The following VRK3 variants were observed in gnomAD, a reference collection of about 807,000 sequenced individuals.
VRK3 encodes VRK serine/threonine kinase 3.
Under a neutral mutation model 60.4 loss-of-function variants are expected in VRK3, and 50 were observed. That is an observed-to-expected ratio of 0.83 (90% CI 0.66 to 1.05). The LOEUF is 1.05. Among genes scored for constraint, VRK3 ranks in the 50% least tolerant of loss-of-function variants. VRK3 has a pLI of 0.00. For synonymous variants in VRK3, 246 were observed against 227.8 expected (o/e 1.08, Z -0.72); for missense variants, 549 against 585.3 (o/e 0.94, Z 0.64).
At chr19:50,009,012 G>A (rs1421631311) in intron 4 of VRK3, among the ~76,000 whole-genome samples, 3 of 152,214 alleles carry the variant, frequency 2.0e-5, no homozygotes, top group Non-Finnish European at 2.9e-5. Flanking sequence ...GGGTCTGTGT[G>A]CAGGGAGGGG....
intron 5 of VRK3, among the ~76,000 whole-genome samples, chr19:50,004,573 A>G (rs188941471): frequency 3.8e-4 from 58 of 152,122 alleles, no homozygotes; most frequent in Non-Finnish European, 5.9e-4. Context: ...ATGGGTGCCT[A>G]TCTCACAGTG....
chr19:50,025,109 G>A (rs560291907), intron 1 of VRK3, 158 bp downstream of exon 1: 3 of 152,462 alleles, frequency 2.0e-5, no homozygotes, highest in East Asian at 1.9e-4. Context: ...TCAAGAGGAG[G>A]CCAGTGAACC....
intron 3 of VRK3, among the ~76,000 whole-genome samples, chr19:50,015,228 T>A (rs890372285): frequency 2.0e-5 from 3 of 152,058 alleles, no homozygotes; most frequent in African/African-American, 7.2e-5. Context: ...TCCGGAAATC[T>A]GAAATGCAAA....
chr19:50,009,206 G>C lies in VRK3; in HGVS notation c.289+30C>G, dbSNP rs1403225716. 4.4e-6 allele frequency: 7 copies of C among 1,605,984 alleles called. No individual in the cohort carries two copies. The Middle Eastern group carries it at 5.0e-4, about 114-fold the overall frequency. On this transcript the variant is annotated intron_variant, in intron 4 of 14. Coordinates refer to ENST00000316763, the MANE Select transcript of VRK3 (RefSeq NM_016440.4). The stretch of plus-strand genomic sequence containing the variant: ...GATGACCTAACTTTGCTCCACTTAA[G>C]AGTCAGGCCAGATAGACCTTAACTC...
At chr19:49,993,049 G>C (rs2076639170) in intron 9 of VRK3, 97 bp from the exon 10 acceptor site, 1 of 1,132,938 alleles carries the variant, frequency 8.8e-7, no homozygotes, top group African/African-American at 1.5e-5. Context: ...TTAAGGCCTG[G>C]GGTTGTCCGA....
Position 49,979,216 on chromosome 19 carries a change from C to T in VRK3, c.1303G>A (p.Val435Met), listed in dbSNP as rs371860911. The change falls in exon 14 of 15, where the codon GTG (valine) becomes ATG (methionine). Residue 435 changes from valine to methionine, a missense_variant. Transcript: ENST00000316763. ...TTCTCCTCATACGTGAGGGCCATCA[C>T]CACCTTCAGGTACTTCTGCAGGGTC... is the stretch of plus-strand genomic sequence containing the variant. ...SETLQKYLKV[V>M]MALTYEEKPP... The T allele has an allele frequency of 6.2e-7, 1 of 1,614,092 alleles. No individual in the cohort carries two copies. Among genetic ancestry groups the T allele is most frequent in the East Asian group, 2.2e-5 (1 of 44,864 alleles).
At chr19:49,996,450 T>G (rs992140896) in intron 7 of VRK3, among the ~76,000 whole-genome samples, 5 of 152,070 alleles carry the variant, frequency 3.3e-5, no homozygotes, top group African/African-American at 1.2e-4. Context: ...GTGGGAGAGA[T>G]ATACAGGGGA....
At chr19:50,008,441 G>C (rs2076938567) in intron 4 of VRK3, among the ~76,000 whole-genome samples, 1 of 152,192 alleles carries the variant, frequency 6.6e-6, no homozygotes, top group African/African-American at 2.4e-5. Context: ...GTAATGGCAA[G>C]AGGCCTCTGG....
rs553037241 is a variant in VRK3 at position 50,014,359 on chromosome 19, G to A, written c.139+1665C>T. 2.9e-4 allele frequency among the ~76,000 whole-genome samples: 44 copies of A among 152,154 alleles called. 1 individual carries two copies. The South Asian group carries it at 9.1e-3, about 32-fold the overall frequency. ...GGATCATTTGAGGTCAGGAATTTGA[G>A]ACCAGCCGGCCAACATGGTGAAACC... is the stretch of plus-strand genomic sequence containing the variant. On this transcript the variant is annotated intron_variant, in intron 3 of 14. Transcript: ENST00000316763.
At chr19:50,009,536 G>A (rs2076959963) in intron 3 of VRK3, 151 bp from the exon 4 acceptor site, 2 of 896,430 alleles carry the variant, frequency 2.2e-6, no homozygotes, top group South Asian at 1.8e-5. Flanking sequence ...AAATATATGA[G>A]CAAACTGTTC....
At chr19:50,017,850 G>A (rs1178331493) in intron 2 of VRK3, among the ~76,000 whole-genome samples, 2 of 151,762 alleles carry the variant, frequency 1.3e-5, no homozygotes, top group Non-Finnish European at 2.9e-5. Context: ...TTTTAGAGAC[G>A]GGGTCTCACT....
intron 12 of VRK3, among the ~76,000 whole-genome samples, chr19:49,985,062 C>G (rs2076488892): frequency 6.6e-6 from 1 of 152,132 alleles, no homozygotes; most frequent in Admixed American, 6.5e-5. Context: ...AGGAGTGAAC[C>G]CTCCCTCATG....
At chr19:50,021,025 G>A (rs2077162935) in intron 1 of VRK3, among the ~76,000 whole-genome samples, 1 of 152,178 alleles carries the variant, frequency 6.6e-6, no homozygotes, top group South Asian at 2.1e-4. Context: ...GGCCAAGGAG[G>A]GCCTCGCCCA....
chr19:49,978,399 C>A (rs1217877926), intron 14 of VRK3, among the ~76,000 whole-genome samples: 1 of 152,200 alleles, frequency 6.6e-6, no homozygotes, highest in East Asian at 1.9e-4. Context: ...TGTCTTTGAC[C>A]TTGTAAAAAT....
chr19:49,980,057 AT>A (rs1364230010), intron 13 of VRK3, among the ~76,000 whole-genome samples: 13 of 151,722 alleles, frequency 8.6e-5, no homozygotes, highest in Non-Finnish European at 1.5e-4. Flanking sequence ...CTCAAAAAAA[AT>A]AATAAAATAA....
chr19:50,009,231 C>CCT lies in VRK3; in HGVS notation c.289+4_289+5insAG. 6.8e-6 allele frequency: 11 copies of CCT among 1,613,702 alleles called. No homozygotes were observed. The highest frequency in any genetic ancestry group is 9.3e-6 in the Non-Finnish European group (11 of 1,179,794). On this transcript the variant is annotated splice_donor_region_variant and intron_variant, in intron 4 of 14. Transcript: ENST00000316763. ...GAGTCAGGCCAGATAGACCTTAACT[C>CCT]TTACCTTTGGATCTCTCAGAGGAAC... is the stretch of plus-strand genomic sequence containing the variant.
chr19:50,012,892 G>C (rs2077017939), intron 3 of VRK3, among the ~76,000 whole-genome samples: 2 of 150,406 alleles, frequency 1.3e-5, no homozygotes, highest in Non-Finnish European at 3.0e-5. Flanking sequence ...CAAAGGCCGG[G>C]CGCAGTGGCT....
chr19:49,991,018 G>A (rs1463910124), intron 10 of VRK3, among the ~76,000 whole-genome samples: 1 of 152,058 alleles, frequency 6.6e-6, no homozygotes, highest in Non-Finnish European at 1.5e-5. Flanking sequence ...GAACTCCTGG[G>A]CTCAAGCGAT....
At chr19:49,976,960 C>T (rs187507994) in intron 14 of VRK3, among the ~76,000 whole-genome samples, 176 bp from the exon 15 acceptor site, 3 of 152,192 alleles carry the variant, frequency 2.0e-5, no homozygotes, top group African/African-American at 4.8e-5. Flanking sequence ...GAGGAGGAGG[C>T]GGGTGGAGAC....
Sources: allele counts gnomAD v4.1 joint callset (sites outside exome capture counted in the v4.1 genomes callset), GRCh38; gene constraint gnomAD v4.1.1; transcripts MANE v1.5; gene names NCBI Gene and HGNC (gene_info 2026-07-23, HGNC 2026-07-21).